Variants in PIEZO2 observed in about 807,000 individuals in gnomAD.
The protein encoded by PIEZO2 is piezo type mechanosensitive ion channel component 2, also known as piezo-type mechanosensitive ion channel component 2.
In PIEZO2, 172 loss-of-function variants were observed where a neutral mutation model predicts 337.3. That is an observed-to-expected ratio of 0.51 (90% CI 0.45 to 0.58). PIEZO2 has a LOEUF of 0.58. Among genes scored for constraint, PIEZO2 ranks in the 20% least tolerant of loss-of-function variants. The pLI is 0.00. For missense variants in PIEZO2, 3,028 were observed against 3,391.3 expected, an observed-to-expected ratio of 0.89 and a Z score of 2.66; for synonymous variants, 1,251 against 1,228.5, an observed-to-expected ratio of 1.02 and a Z score of -0.38.
intron 41 of PIEZO2, 105 bp from the exon 42 acceptor site, chr18:10,704,757 T>C: frequency 3.7e-6 from 5 of 1,334,584 alleles, no homozygotes; most frequent in Non-Finnish European, 5.0e-6. Context: ...TGATCTTGGC[T>C]CACTGCAACC....
At chr18:10,816,111 G>A (rs1220206577) in intron 7 of PIEZO2, among the ~76,000 whole-genome samples, 1 of 152,148 alleles carries the variant, frequency 6.6e-6, no homozygotes, top group Non-Finnish European at 1.5e-5. Flanking sequence ...GAAGCCCTCG[G>A]CTCTTCACTG....
At chr18:11,139,155 G>C (rs1285858113) in intron 1 of PIEZO2, among the ~76,000 whole-genome samples, 2 of 152,158 alleles carry the variant, frequency 1.3e-5, no homozygotes, top group Admixed American at 1.3e-4. Context: ...TCTAAGGTTT[G>C]CAACAATCCT....
chr18:11,089,350 A>G (rs1052173889), intron 1 of PIEZO2, among the ~76,000 whole-genome samples: 1 of 152,290 alleles, frequency 6.6e-6, no homozygotes, highest in African/African-American at 2.4e-5. Flanking sequence ...GGCGAAATCA[A>G]TGTGTCATCA....
In PIEZO2 at chr18:11,149,176, A is replaced by C. The variant is rs1452211397; in HGVS notation, c.-588T>G. On this transcript the variant is annotated 5_prime_UTR_variant, in exon 1 of 56. Coordinates refer to ENST00000674853, the MANE Select transcript of PIEZO2 (RefSeq NM_001378183.1). The surrounding 1 kb of genome is among the most constrained non-coding windows in gnomAD (Gnocchi z 8.7). ...CGGCGGGCTCCGGGTCTCGCCCTCC[A>C]GCCCCCAGGCGGCCCGCGGCGGATC... 6.6e-6 allele frequency among the ~76,000 whole-genome samples: 1 copy of C among 151,632 alleles called. No individual in the cohort carries two copies. The highest frequency in any genetic ancestry group is 1.5e-5 in the Non-Finnish European group (1 of 67,896).
chr18:10,900,238 T>A (rs576965857), intron 4 of PIEZO2, among the ~76,000 whole-genome samples: 1 of 151,930 alleles, frequency 6.6e-6, no homozygotes, highest in South Asian at 2.1e-4. Context: ...CATACACATG[T>A]ATATATATTA....
At chr18:10,848,611 G>C (rs961036301) in intron 7 of PIEZO2, among the ~76,000 whole-genome samples, 1 of 152,134 alleles carries the variant, frequency 6.6e-6, no homozygotes, top group African/African-American at 2.4e-5. Context: ...ACCTCACAAT[G>C]TAAGGTGAAA....
chr18:10,884,561 A>G (rs1180178217), intron 4 of PIEZO2, among the ~76,000 whole-genome samples: 4 of 152,156 alleles, frequency 2.6e-5, no homozygotes, highest in Admixed American at 6.5e-5. Flanking sequence ...TGAGAAGCAA[A>G]GCACTGGCCA....
Position 10,842,081 on chromosome 18 carries a change from G to C in PIEZO2, c.917+13272C>G, listed in dbSNP as rs8099152. ...GGAGAATTGTCTGCACATTGGAGGT[G>C]GAGGCTGCAGTGAGCCGAGATCGCA... On this transcript the variant is annotated intron_variant, in intron 7 of 55. Transcript: ENST00000674853. Among the ~76,000 whole-genome samples the C allele has an allele frequency of 5.5e-3, 827 of 151,606 alleles. 7 individuals carry two copies. The highest frequency in any genetic ancestry group is 0.018 in the African/African-American group (724 of 41,268).
chr18:10,948,395 G>A (rs551457389), intron 3 of PIEZO2, among the ~76,000 whole-genome samples: 1 of 152,156 alleles, frequency 6.6e-6, no homozygotes, highest in South Asian at 2.1e-4. Context: ...AAAAAAATTC[G>A]TGTGATGCAT....
intron 3 of PIEZO2, among the ~76,000 whole-genome samples, chr18:10,950,572 G>C (rs1049816422): frequency 1.3e-5 from 2 of 152,298 alleles, no homozygotes; most frequent in African/African-American, 4.8e-5. Flanking sequence ...GTAAGTTATT[G>C]TATATGTGGC....
In PIEZO2 at chr18:10,707,818, T is replaced by G. The variant is rs1018526757; in HGVS notation, c.5588+457A>C. 8.5e-5 allele frequency among the ~76,000 whole-genome samples: 13 copies of G among 152,238 alleles called. No homozygotes were observed. Among genetic ancestry groups the G allele is most frequent in the Non-Finnish European group, 1.9e-4 (13 of 68,036 alleles). On this transcript the variant is annotated intron_variant, in intron 40 of 55. Coordinates refer to ENST00000674853, the MANE Select transcript of PIEZO2 (RefSeq NM_001378183.1). This position sits in a 1 kb window ranked among gnomAD's most constrained non-coding sequence, Gnocchi z 4.2. Reference sequence around the variant, plus strand: ...GATAACATGCAGACTTATTTAATATTCACTAAAAATGACTACCTATGATAG... The same window carrying G: ...GATAACATGCAGACTTATTTAATATGCACTAAAAATGACTACCTATGATAG...
intron 2 of PIEZO2, among the ~76,000 whole-genome samples, chr18:11,049,747 T>C (rs902624015): frequency 2.6e-5 from 4 of 152,226 alleles, no homozygotes; most frequent in Non-Finnish European, 5.9e-5. Context: ...CTGTCTTGCC[T>C]GCCACCATGT....
At position 10,753,023 on chromosome 18, in the gene PIEZO2, T is replaced by C. The variant is rs2037705067; in HGVS notation, c.3924-144A>G. 1.4e-5 allele frequency: 15 copies of C among 1,078,262 alleles called. No individual in the cohort carries two copies. The East Asian group carries it at 3.1e-4, about 23-fold the overall frequency. The allele number at this position is 1,078,262 out of a possible 1,614,324, so 66.8% of individuals were successfully genotyped here. A position where few individuals can be genotyped will look rare whatever the true frequency, so the allele number is the denominator to read the frequency against. On this transcript the variant is annotated intron_variant, in intron 27 of 55. Coordinates refer to ENST00000674853, the MANE Select transcript of PIEZO2 (RefSeq NM_001378183.1). ...TGTGAGCTTTCATTTAATCCTGCTA[T>C]CTAGGAAACCCTCAAATAGTTAGTA...
intron 31 of PIEZO2, among the ~76,000 whole-genome samples, chr18:10,743,217 G>C (rs1336811440): frequency 6.6e-6 from 1 of 151,980 alleles, no homozygotes; most frequent in Admixed American, 6.6e-5. Context: ...TAATGCTGTG[G>C]AATAATCTAA....
intron 33 of PIEZO2, chr18:10,740,759 C>A: frequency 3.4e-6 from 2 of 587,646 alleles, no homozygotes; most frequent in Non-Finnish European, 6.1e-6. Flanking sequence ...CTTTCTGAGC[C>A]CATAAATTAT....
chr18:10,675,234 T>G lies in PIEZO2; in HGVS notation c.8136A>C (p.Ser2712=), dbSNP rs776137362. 7.7e-6 allele frequency: 12 copies of G among 1,556,754 alleles called. No individual in the cohort carries two copies. The highest frequency in any genetic ancestry group is 9.6e-6 in the Non-Finnish European group (11 of 1,147,966). The change falls in exon 54 of 56, where the codon TCA becomes TCC. Residue 2712 remains serine (S), a synonymous_variant. Transcript: ENST00000674853. ...CAGATAAAAGTTGCTTTATAGGTTT[T>G]GAGTTAGAATCACTAGGTGCTTTCA... The part of the protein sequence containing the change: ...YYVKAPSDSN[S]KPIKQLLSEN...
At chr18:10,938,636 A>G (rs2032533583) in intron 3 of PIEZO2, among the ~76,000 whole-genome samples, 1 of 152,272 alleles carries the variant, frequency 6.6e-6, no homozygotes. Flanking sequence ...ATGATTATAA[A>G]CATACTGAAA....
intron 1 of PIEZO2, among the ~76,000 whole-genome samples, chr18:11,138,693 C>T (rs2146271183): frequency 6.6e-6 from 1 of 152,328 alleles, no homozygotes; most frequent in Non-Finnish European, 1.5e-5. Context: ...AACCTACAGA[C>T]ACATAGAAGG....
intron 2 of PIEZO2, among the ~76,000 whole-genome samples, chr18:11,050,524 TACACACAC>T (rs56107549): frequency 0.33 from 49,366 of 148,904 alleles, 8,404 homozygotes; most frequent in Non-Finnish European, 0.4. Context: ...GTGTTTATTT[TACACACAC>T]ACACACACAC....
Sources: allele counts gnomAD v4.1 joint callset (sites outside exome capture counted in the v4.1 genomes callset), GRCh38; gene constraint gnomAD v4.1.1; non-coding constraint Gnocchi (gnomAD v3.1); transcripts MANE v1.5; gene names NCBI Gene and HGNC (gene_info 2026-07-23, HGNC 2026-07-21).